The following PRKN variants were observed in gnomAD, a reference collection of about 807,000 sequenced individuals.
PRKN encodes parkin RBR E3 ubiquitin protein ligase, also known as E3 ubiquitin-protein ligase parkin.
Under a neutral mutation model 59.5 loss-of-function variants are expected in PRKN, and 56 were observed. The ratio of observed to expected loss-of-function variants is 0.94; its 90% CI spans 0.76 to 1.18. PRKN has a LOEUF of 1.18. Among genes scored for constraint, PRKN ranks in the 50% most tolerant of loss-of-function variants. The pLI, the probability that PRKN is intolerant of heterozygous loss-of-function variation, is 0.00. For synonymous variants in PRKN, 250 were observed against 222.1 expected, an observed-to-expected ratio of 1.13 and a Z score of -1.12; for missense variants, 657 against 596.4, an observed-to-expected ratio of 1.10 and a Z score of -1.06.
In PRKN at chr6:161,473,961, T is replaced by C. The variant is rs116982206; in HGVS notation, c.1083+74893A>G. Reference sequence around the variant, plus strand: ...ACTAGCGGGTTTTCTAATATCAAATTTTATGCTTGTGGAAATCTATCCACC... The same window carrying C: ...ACTAGCGGGTTTTCTAATATCAAATCTTATGCTTGTGGAAATCTATCCACC... On this transcript the variant is annotated intron_variant, in intron 9 of 11. Coordinates refer to ENST00000366898, the MANE Select transcript of PRKN (RefSeq NM_004562.3). The surrounding 1 kb of genome is among the most constrained non-coding windows in gnomAD (Gnocchi z 4.1). Among the ~76,000 whole-genome samples, 1 of 152,086 alleles carries C rather than the reference T, an allele frequency of 6.6e-6. No individual in the cohort carries two copies. The highest frequency in any genetic ancestry group is 1.9e-4 in the East Asian group (1 of 5,182).
At chr6:161,680,775 A>ATATATT (rs1216235673) in intron 7 of PRKN, among the ~76,000 whole-genome samples, 21 of 30,570 alleles carry the variant, frequency 6.9e-4, no homozygotes, top group Non-Finnish European at 1.0e-3. Flanking sequence ...ATATATATAT[A>ATATATT]TTTTTTTTTT....
chr6:161,871,142 A>G (rs1794327489), intron 6 of PRKN, among the ~76,000 whole-genome samples: 2 of 152,136 alleles, frequency 1.3e-5, no homozygotes, highest in Admixed American at 1.3e-4. Context: ...TATAGAGATT[A>G]TTTCTAGAGT....
At chr6:162,436,946 G>A (rs1487143095) in intron 2 of PRKN, among the ~76,000 whole-genome samples, 1 of 151,976 alleles carries the variant, frequency 6.6e-6, no homozygotes, top group Non-Finnish European at 1.5e-5. Context: ...ACAAAAATGA[G>A]CCAGGCGTGG....
intron 9 of PRKN, among the ~76,000 whole-genome samples, chr6:161,481,578 T>C (rs989304845): frequency 6.6e-6 from 1 of 151,792 alleles, no homozygotes; most frequent in Non-Finnish European, 1.5e-5. Context: ...CACTAGAACC[T>C]GGCGACAGAG....
chr6:162,113,119 T>C (rs1206099882), intron 4 of PRKN, among the ~76,000 whole-genome samples: 1 of 152,172 alleles, frequency 6.6e-6, no homozygotes, highest in Non-Finnish European at 1.5e-5. Flanking sequence ...CATCCTCCTA[T>C]AAAAGGATGA....
At chr6:162,594,983 G>A (rs752936981) in intron 1 of PRKN, among the ~76,000 whole-genome samples, 2 of 151,984 alleles carry the variant, frequency 1.3e-5, no homozygotes, top group Non-Finnish European at 2.9e-5. Flanking sequence ...GACCATCCTG[G>A]CTAACACGGT....
chr6:162,301,112 A>T (rs1391940961), intron 2 of PRKN, among the ~76,000 whole-genome samples: 3 of 151,130 alleles, frequency 2.0e-5, no homozygotes, highest in South Asian at 2.1e-4. Context: ...ATATCAACAT[A>T]AAAAAAAGGC....
chr6:162,163,917 C>A lies in PRKN; in HGVS notation c.534+37214G>T, dbSNP rs1277242814. On this transcript the variant is annotated intron_variant, in intron 4 of 11. Coordinates refer to ENST00000366898, the MANE Select transcript of PRKN (RefSeq NM_004562.3). ...TTATCCTCTAATTAAACCAACCCCACTGCTCTAGAAGAATAGCCCTGCTCG... is the reference window on the plus strand; with the variant it reads ...TTATCCTCTAATTAAACCAACCCCAATGCTCTAGAAGAATAGCCCTGCTCG... 1.3e-5 allele frequency among the ~76,000 whole-genome samples: 2 copies of A among 149,222 alleles called. 1 individual carries two copies. The highest frequency in any genetic ancestry group is 3.0e-5 in the Non-Finnish European group (2 of 67,450).
rs56917621 is a variant in PRKN at position 162,179,386 on chromosome 6, C to T, written c.534+21745G>A. On this transcript the variant is annotated intron_variant, in intron 4 of 11. Transcript: ENST00000366898. ...CTCTGTGCCATGGCAGATGGACTGCCGGGGCTCCACCTGGTTTTGGAACCT... is the reference window on the plus strand; with the variant it reads ...CTCTGTGCCATGGCAGATGGACTGCTGGGGCTCCACCTGGTTTTGGAACCT... Among the ~76,000 whole-genome samples the T allele has an allele frequency of 5.7e-3, 873 of 152,280 alleles. 11 individuals are homozygous for T. The highest frequency in any genetic ancestry group is 0.02 in the African/African-American group (841 of 41,560).
At chr6:161,901,917 T>C (rs1338923017) in intron 6 of PRKN, among the ~76,000 whole-genome samples, 1 of 152,146 alleles carries the variant, frequency 6.6e-6, no homozygotes, top group Non-Finnish European at 1.5e-5. Flanking sequence ...CAAGTTCCCC[T>C]GGAGAGAGTG....
rs546117090 is a variant in PRKN, at chr6:161,356,222, C to T, written c.1285+3866G>A. On this transcript the variant is annotated intron_variant, in intron 11 of 11. Transcript: ENST00000366898. The surrounding 1 kb of genome is among the most constrained non-coding windows in gnomAD (Gnocchi z 7.8). ...AGAGGGAATGGCAGTGCCTCCCCCT[C>T]GAGAGATGGGATGGTGTTGACAGTG... is the stretch of plus-strand genomic sequence containing the variant. Among the ~76,000 whole-genome samples, 50 of 152,286 alleles carry T rather than the reference C, an allele frequency of 3.3e-4. No individual in the cohort carries two copies. In the East Asian group the frequency reaches 7.6e-3, roughly 23 times the overall value.
intron 1 of PRKN, among the ~76,000 whole-genome samples, chr6:162,665,981 G>C (rs1425605677): frequency 6.6e-6 from 1 of 152,010 alleles, no homozygotes; most frequent in African/African-American, 2.4e-5. Flanking sequence ...CGACATATGC[G>C]GAAAACTGAA....
intron 6 of PRKN, among the ~76,000 whole-genome samples, chr6:161,819,912 A>C (rs1272927359): frequency 6.6e-6 from 1 of 152,214 alleles, no homozygotes; most frequent in African/African-American, 2.4e-5. Flanking sequence ...TCAAAGCATA[A>C]TATCCAAAAC....
chr6:162,449,313 T>C (rs1790477834), intron 1 of PRKN, among the ~76,000 whole-genome samples: 1 of 152,214 alleles, frequency 6.6e-6, no homozygotes, highest in Non-Finnish European at 1.5e-5. Flanking sequence ...CTACCCTCTT[T>C]GATCCATCAA....
chr6:162,375,155 C>G (rs1785992263), intron 2 of PRKN, among the ~76,000 whole-genome samples: 1 of 151,920 alleles, frequency 6.6e-6, no homozygotes, highest in South Asian at 2.1e-4. Flanking sequence ...TTATTTTAAA[C>G]TATGGAAAAA....
chr6:162,211,939 C>T (rs1296898757), intron 3 of PRKN, among the ~76,000 whole-genome samples: 1 of 152,110 alleles, frequency 6.6e-6, no homozygotes, highest in Non-Finnish European at 1.5e-5. Context: ...GTTAGAAACA[C>T]ATGGTGATGT....
Position 162,074,476 on chromosome 6 carries a change from G to A in PRKN, c.535-20302C>T, listed in dbSNP as rs181122806. Reference sequence around the variant, plus strand: ...AGGGGAATATCACACTCTGGGGACTGTTGTGTGGTGGGGGGAGGGGGAGGG... The same window carrying A: ...AGGGGAATATCACACTCTGGGGACTATTGTGTGGTGGGGGGAGGGGGAGGG... On this transcript the variant is annotated intron_variant, in intron 4 of 11. Transcript: ENST00000366898. Among the ~76,000 whole-genome samples the A allele has an allele frequency of 2.7e-3, 404 of 150,358 alleles. 1 individual carries two copies. Among genetic ancestry groups the A allele is most frequent in the African/African-American group, 9.4e-3 (385 of 40,800 alleles).
chr6:162,713,524 CTT>C (rs1177509612), intron 1 of PRKN, among the ~76,000 whole-genome samples: 51 of 149,122 alleles, frequency 3.4e-4, no homozygotes, highest in Admixed American at 4.0e-4. Context: ...AATTAGGTCT[CTT>C]TTGCTACAAG....
At chr6:162,345,601 A>C (rs1044790646) in intron 2 of PRKN, among the ~76,000 whole-genome samples, 2 of 152,230 alleles carry the variant, frequency 1.3e-5, no homozygotes, top group African/African-American at 4.8e-5. Flanking sequence ...AAGGTTCAGC[A>C]TATTTTTGAT....
Sources: gnomAD v4.1 joint callset for allele counts (sites outside exome capture counted in the v4.1 genomes callset) on GRCh38, gnomAD v4.1.1 for gene constraint, Gnocchi (gnomAD v3.1) non-coding constraint, MANE v1.5 for transcripts, NCBI Gene and HGNC (gene_info 2026-07-23, HGNC 2026-07-21) for gene names.